The following USP12 variants were observed in gnomAD, a reference collection of about 807,000 sequenced individuals.
USP12 encodes the protein ubiquitin specific peptidase 12.
USP12 carries 19 observed loss-of-function variants against 45.5 expected under a neutral mutation model. The ratio of observed to expected loss-of-function variants is 0.42; its 90% CI spans 0.29 to 0.61. The LOEUF is 0.61. Ranked by LOEUF, USP12 falls within the 20% of genes least tolerant of loss-of-function variation. The probability of loss-of-function intolerance (pLI) is 0.22; values close to 1 mark genes in which losing one functional copy is unlikely to be tolerated. For synonymous variants in USP12, 149 were observed against 148.8 expected (o/e 1.00, Z -0.01); for missense variants, 242 against 447.7 (o/e 0.54, Z 4.15).
At chr13:27,073,716 T>G (rs1445283236) in intron 7 of USP12, among the ~76,000 whole-genome samples, 1 of 152,218 alleles carries the variant, frequency 6.6e-6, no homozygotes, top group Non-Finnish European at 1.5e-5. Context: ...TACATTTTTG[T>G]TAATAGAACA....
At chr13:27,070,312 T>G (rs1873187125) in intron 8 of USP12, among the ~76,000 whole-genome samples, 1 of 152,144 alleles carries the variant, frequency 6.6e-6, no homozygotes, top group Non-Finnish European at 1.5e-5. Context: ...AGGAAAGCTG[T>G]AAGTTCTGAC....
intron 1 of USP12, among the ~76,000 whole-genome samples, chr13:27,146,562 G>T: frequency 6.6e-6 from 1 of 152,180 alleles, no homozygotes; most frequent in African/African-American, 2.4e-5. Context: ...AAATTAACTT[G>T]TAAGTTCCAC....
rs1555240796 is a variant in USP12, at chr13:27,171,667, A to ACAGCGG, written c.-34_-29dup. ...GGCCAGCGCCATCTTCCACCCAATC[A>ACAGCGG]CAGCGGCGGCGGCGGGCGGGGGAGG... On this transcript the variant is annotated 5_prime_UTR_variant, in exon 1 of 9. Coordinates refer to ENST00000282344, the MANE Select transcript of USP12 (RefSeq NM_182488.4). The ACAGCGG allele has an allele frequency of 1.7e-6, 2 of 1,183,640 alleles. No homozygotes were observed. The highest frequency in any genetic ancestry group is 6.9e-5 in the East Asian group (1 of 14,450). The allele number at this position is 1,183,640 out of a possible 1,614,324, so 73.3% of individuals were successfully genotyped here.
At chr13:27,073,205 A>C (rs890920318) in intron 7 of USP12, among the ~76,000 whole-genome samples, 3 of 151,798 alleles carry the variant, frequency 2.0e-5, no homozygotes, top group African/African-American at 7.3e-5. Context: ...AGAAAGAGTA[A>C]GACCCTGGGG....
chr13:27,082,556 A>C (rs1873807568), intron 6 of USP12, among the ~76,000 whole-genome samples: 1 of 151,860 alleles, frequency 6.6e-6, no homozygotes, highest in Admixed American at 6.6e-5. Context: ...TTTTCTTTGC[A>C]CTCCTAACTT....
chr13:27,140,837 C>T (rs1017281466), intron 1 of USP12, among the ~76,000 whole-genome samples: 5 of 151,884 alleles, frequency 3.3e-5, no homozygotes, highest in African/African-American at 1.2e-4. Context: ...AGTCAGCTGA[C>T]AATGATTCTC....
At chr13:27,083,275 T>C (rs1182200187) in intron 6 of USP12, among the ~76,000 whole-genome samples, 1 of 152,194 alleles carries the variant, frequency 6.6e-6, no homozygotes, top group African/African-American at 2.4e-5. Context: ...ACCAAAAATG[T>C]GACAGAGACA....
chr13:27,096,282 G>A (rs1874578733), intron 3 of USP12, among the ~76,000 whole-genome samples: 1 of 152,198 alleles, frequency 6.6e-6, no homozygotes. Flanking sequence ...TTCTGATTTA[G>A]TTGATAAGGG....
At chr13:27,123,720 TG>T (rs936077239) in intron 1 of USP12, among the ~76,000 whole-genome samples, 2 of 152,230 alleles carry the variant, frequency 1.3e-5, no homozygotes, top group African/African-American at 4.8e-5. Context: ...ATGCCTTTGC[TG>T]ATCTTCTGCA....
At chr13:27,169,174 C>T (rs189922017) in intron 1 of USP12, 2 of 152,318 alleles carry the variant, frequency 1.3e-5, no homozygotes, top group South Asian at 2.1e-4. Flanking sequence ...GAAAAATTTA[C>T]TGCACAGTAA....
At position 27,167,818 on chromosome 13, in the gene USP12, T is replaced by C. The variant is rs149599214; in HGVS notation, c.48+3774A>G. 6.6e-5 allele frequency among the ~76,000 whole-genome samples: 10 copies of C among 152,318 alleles called. No homozygotes were observed. In the East Asian group the frequency reaches 1.9e-3, roughly 29 times the overall value. On this transcript the variant is annotated intron_variant, in intron 1 of 8. Coordinates refer to ENST00000282344, the MANE Select transcript of USP12 (RefSeq NM_182488.4). The stretch of plus-strand genomic sequence containing the variant: ...ACACACACACATTCCCAACAACGCA[T>C]GGGCTCTGAGGTTTGCCCCAGCTTT...
At chr13:27,070,252 T>G (rs1449891631) in intron 8 of USP12, among the ~76,000 whole-genome samples, 3 of 152,264 alleles carry the variant, frequency 2.0e-5, no homozygotes, top group African/African-American at 4.8e-5. Flanking sequence ...TAGGCAAAAT[T>G]AATCATAATG....
At chr13:27,154,188 C>T (rs987145866) in intron 1 of USP12, among the ~76,000 whole-genome samples, 5 of 152,212 alleles carry the variant, frequency 3.3e-5, no homozygotes, top group Non-Finnish European at 1.5e-5. Context: ...TTTAATGAAG[C>T]CGAACCATCA....
chr13:27,126,927 C>T (rs1264588403), intron 1 of USP12, among the ~76,000 whole-genome samples: 4 of 152,138 alleles, frequency 2.6e-5, no homozygotes, highest in Non-Finnish European at 5.9e-5. Flanking sequence ...TTCCTTTGCC[C>T]ATCTTCCTCC....
rs775161471 is a variant in USP12 at position 27,090,117 on chromosome 13, G to A, written c.615C>T (p.Asp205=). 20 of 1,577,832 alleles carry A rather than the reference G, an allele frequency of 1.3e-5. No homozygotes were observed. Among genetic ancestry groups the A allele is most frequent in the Middle Eastern group, 2.3e-4 (1 of 4,350 alleles). Residue 205 remains aspartate (D), a synonymous_variant, in exon 5 of 9, where the codon GAC becomes GAT. Transcript: ENST00000282344. The part of the protein sequence containing the change: ...KDEDFLDLSV[D]VEQNTSITHC... Reference sequence around the variant, plus strand: ...GAGTAATTGATGTATTTTGTTCCACGTCAACAGAAAGGTCTAAAAAATCTT... The same window carrying A: ...GAGTAATTGATGTATTTTGTTCCACATCAACAGAAAGGTCTAAAAAATCTT...
rs1873276723 is a variant in USP12 at position 27,072,207 on chromosome 13, G to A, written c.933-1058C>T. Among the ~76,000 whole-genome samples the A allele has an allele frequency of 3.3e-5, 5 of 151,968 alleles. No homozygotes were observed. The South Asian group carries it at 1.0e-3, about 32-fold the overall frequency. On this transcript the variant is annotated intron_variant, in intron 7 of 8. Coordinates refer to ENST00000282344, the MANE Select transcript of USP12 (RefSeq NM_182488.4). Reference sequence around the variant, plus strand: ...GTATTTATTTAGGCTCATCTAAAGGGTCTTGTGTGTTATGGGGAGAGGGTC... The same window carrying A: ...GTATTTATTTAGGCTCATCTAAAGGATCTTGTGTGTTATGGGGAGAGGGTC...
intron 1 of USP12, among the ~76,000 whole-genome samples, chr13:27,157,675 T>G (rs17085244): frequency 0.022 from 3,291 of 152,288 alleles, 126 homozygotes; most frequent in African/African-American, 0.076. Context: ...CTCTTGTTAT[T>G]TTAATTCACT....
At chr13:27,135,962 C>T (rs1565999767) in intron 1 of USP12, among the ~76,000 whole-genome samples, 1 of 152,104 alleles carries the variant, frequency 6.6e-6, no homozygotes, top group Non-Finnish European at 1.5e-5. Context: ...CAGGCAGCAC[C>T]ATGGGTTCTG....
Position 27,105,703 on chromosome 13 carries a change from T to C in USP12, c.343+28A>G, listed in dbSNP as rs757348603. On this transcript the variant is annotated intron_variant, in intron 3 of 8. Coordinates refer to ENST00000282344, the MANE Select transcript of USP12 (RefSeq NM_182488.4). ...CACTATATTTAACCTTCCTAGTATG[T>C]CATTAATACAGTGGGAAGTAGAATT... 2.6e-5 allele frequency: 41 copies of C among 1,594,178 alleles called. No individual in the cohort carries two copies. The South Asian group carries it at 4.6e-4, about 18-fold the overall frequency.
Sources: allele counts gnomAD v4.1 joint callset (sites outside exome capture counted in the v4.1 genomes callset), GRCh38; gene constraint gnomAD v4.1.1; transcripts MANE v1.5; gene names NCBI Gene and HGNC (gene_info 2026-07-23, HGNC 2026-07-21).